CD226: variants seen among roughly 807,000 people sequenced by gnomAD.
The protein encoded by CD226 is CD226 molecule.
In CD226, 24 loss-of-function variants were observed where a neutral mutation model predicts 34.9. The ratio of observed to expected loss-of-function variants is 0.69; its 90% CI spans 0.50 to 0.97. The LOEUF (loss-of-function observed/expected upper bound fraction) is 0.97. CD226 is among the 50% of genes least tolerant of loss of function. The probability of loss-of-function intolerance (pLI) is 0.00; values close to 1 mark genes in which losing one functional copy is unlikely to be tolerated. For synonymous variants in CD226, 148 were observed against 147.4 expected (o/e 1.00, Z -0.03); for missense variants, 397 against 412.7 (o/e 0.96, Z 0.33).
intron 3 of CD226, 79 bp from the exon 4 acceptor site, chr18:69,873,325 A>G (rs1049318060): frequency 8.4e-6 from 6 of 712,976 alleles, no homozygotes; most frequent in Admixed American, 4.9e-5. Flanking sequence ...AATAAAGAAA[A>G]GATACATTAA....
intron 3 of CD226, among the ~76,000 whole-genome samples, 165 bp downstream of exon 3, chr18:69,895,536 C>A (rs530690734): frequency 3.9e-5 from 6 of 151,946 alleles, no homozygotes; most frequent in South Asian, 2.1e-4. Context: ...GATAAAGAAA[C>A]CCTCAATACT....
At chr18:69,880,391 GAA>G (rs1332110146) in intron 3 of CD226, among the ~76,000 whole-genome samples, 1 of 146,502 alleles carries the variant, frequency 6.8e-6, no homozygotes, top group Non-Finnish European at 1.5e-5. Flanking sequence ...GGGAAAGAAA[GAA>G]AGAAGGAGGG....
At chr18:69,953,786 G>A (rs2055873647) in intron 1 of CD226, among the ~76,000 whole-genome samples, 1 of 152,086 alleles carries the variant, frequency 6.6e-6, no homozygotes, top group African/African-American at 2.4e-5. Flanking sequence ...GATTGCTTGA[G>A]GTCAGGAATT....
rs4614833 is a variant in CD226 at position 69,859,272 on chromosome 18, G to T, written c.*5042C>A. ...CTTTCTAAGGAAGTTGACGTTGGTA[G>T]AATTCCTGCTGCATCACAGGGGAGT... On this transcript the variant is annotated 3_prime_UTR_variant, in exon 6 of 6. Coordinates refer to ENST00000582621, the MANE Select transcript of CD226 (RefSeq NM_001303618.2). 6.6e-6 allele frequency: 1 copy of T among 152,194 alleles called. No individual in the cohort carries two copies. The highest frequency in any genetic ancestry group is 2.4e-5 in the African/African-American group (1 of 41,516). The allele number at this position is 152,194 out of a possible 1,614,324, so 9.4% of individuals were successfully genotyped here.
intron 3 of CD226, among the ~76,000 whole-genome samples, chr18:69,880,348 GAAA>G (rs764893316): frequency 0.023 from 1,887 of 83,224 alleles, 47 homozygotes; most frequent in African/African-American, 0.052. Context: ...AAGAAAGAAA[GAAA>G]GAAAGAAAGG....
intron 4 of CD226, among the ~76,000 whole-genome samples, chr18:69,869,360 G>A (rs542934110): frequency 2.0e-5 from 3 of 152,276 alleles, no homozygotes; most frequent in African/African-American, 4.8e-5. Context: ...GCAGGGACAC[G>A]GATAGAGCTG....
At chr18:69,891,251 T>C (rs917050680) in intron 3 of CD226, among the ~76,000 whole-genome samples, 3 of 150,502 alleles carry the variant, frequency 2.0e-5, no homozygotes, top group African/African-American at 7.4e-5. Flanking sequence ...AAATAGAGCA[T>C]AAAAAGCATT....
rs934592267 is a variant in CD226 at position 69,856,390 on chromosome 18, G to A, written c.*7924C>T. 3.3e-5 allele frequency: 5 copies of A among 152,184 alleles called. No homozygotes were observed. Among genetic ancestry groups the A allele is most frequent in the African/African-American group, 1.2e-4 (5 of 41,444 alleles). 9.4% of individuals were successfully genotyped at this position (152,184 alleles called of 1,614,324 possible). On this transcript the variant is annotated 3_prime_UTR_variant, in exon 6 of 6. Coordinates refer to ENST00000582621, the MANE Select transcript of CD226 (RefSeq NM_001303618.2). ...ACTTGATCACTTGATCTGTCAGTAT[G>A]TGATAGATCAAGAAGAGGGAAAATC...
At chr18:69,877,659 C>T (rs1047220167) in intron 3 of CD226, among the ~76,000 whole-genome samples, 4 of 152,150 alleles carry the variant, frequency 2.6e-5, no homozygotes, top group African/African-American at 7.2e-5. Context: ...CTTCTGTTTC[C>T]TGAGGCCTGA....
At position 69,947,444 on chromosome 18, in the gene CD226, A is replaced by T; in HGVS notation, c.-38T>A. On this transcript the variant is annotated 5_prime_UTR_variant, in exon 1 of 6. Transcript: ENST00000582621. ...TTTGAAAGGCTGGTTCTATTAAAAA[A>T]AAAAATTGCTTTTTATAATGTGACA... The T allele has an allele frequency of 6.8e-7, 1 of 1,476,008 alleles. No individual in the cohort carries two copies. Among genetic ancestry groups the T allele is most frequent in the Non-Finnish European group, 9.2e-7 (1 of 1,082,230 alleles). The allele number at this position is 1,476,008 out of a possible 1,614,324, so 91.4% of individuals were successfully genotyped here.
At chr18:69,961,690 GGGTCTCAA>G (rs2055930364), upstream of CD226, 1 of 152,106 alleles carries the variant, frequency 6.6e-6, no homozygotes, top group African/African-American at 2.4e-5. Context: ...CCTCTCTTGA[GGGTCTCAA>G]GGTTTCAAGG....
chr18:69,946,180 C>CAAAAA (rs60750165), intron 2 of CD226, among the ~76,000 whole-genome samples: 6 of 66,374 alleles, frequency 9.0e-5, no homozygotes, highest in African/African-American at 3.6e-4. Context: ...AAGACTCCAT[C>CAAAAA]AAAAAAAAAA....
At position 69,856,650 on chromosome 18, in the gene CD226, A is replaced by G. The variant is rs1256035674; in HGVS notation, c.*7664T>C. 1 of 152,200 alleles carries G rather than the reference A, an allele frequency of 6.6e-6. No individual in the cohort carries two copies. Among genetic ancestry groups the G allele is most frequent in the Non-Finnish European group, 1.5e-5 (1 of 68,028 alleles). 9.4% of individuals were successfully genotyped at this position (152,200 alleles called of 1,614,324 possible). On this transcript the variant is annotated 3_prime_UTR_variant, in exon 6 of 6. Transcript: ENST00000582621. ...ATTAAGTTAGAAATCTGTAAGAGAT[A>G]TAAAGTAGAAAAATCCCAAAATATA...
intron 2 of CD226, among the ~76,000 whole-genome samples, chr18:69,898,279 G>C (rs557726707): frequency 1.3e-5 from 2 of 152,168 alleles, no homozygotes; most frequent in East Asian, 1.9e-4. Context: ...CAGCGTGAAT[G>C]CGTGTCCTCA....
intron 5 of CD226, among the ~76,000 whole-genome samples, chr18:69,864,871 G>T (rs1231319586): frequency 6.6e-6 from 1 of 152,112 alleles, no homozygotes; most frequent in African/African-American, 2.4e-5. Context: ...AAGTCACTTT[G>T]ACCACATATG....
Position 69,877,084 on chromosome 18 carries a change from G to A in CD226, c.728-3838C>T, listed in dbSNP as rs147294793. Among the ~76,000 whole-genome samples the A allele has an allele frequency of 4.9e-3, 751 of 151,914 alleles. 11 individuals are homozygous for A. The highest frequency in any genetic ancestry group is 0.016 in the African/African-American group (672 of 41,400). On this transcript the variant is annotated intron_variant, in intron 3 of 5. Coordinates refer to ENST00000582621, the MANE Select transcript of CD226 (RefSeq NM_001303618.2). ...TCACCATGTTAGTCAGGCTGGTCTC[G>A]AACTCCTCACCTAAGGTGATCCGCC...
At chr18:69,884,650 C>T (rs959360276) in intron 3 of CD226, among the ~76,000 whole-genome samples, 3 of 152,212 alleles carry the variant, frequency 2.0e-5, no homozygotes, top group African/African-American at 7.2e-5. Context: ...CTACCACAAG[C>T]ACCTCACTCA....
At chr18:69,935,561 C>A (rs1302425204) in intron 2 of CD226, among the ~76,000 whole-genome samples, 1 of 152,162 alleles carries the variant, frequency 6.6e-6, no homozygotes, top group Admixed American at 6.5e-5. Context: ...GCATTGGCAC[C>A]CACACACCAC....
rs1049939410 is a variant in CD226 at position 69,862,545 on chromosome 18, C to T, written c.*1769G>A. 2 of 151,990 alleles carry T rather than the reference C, an allele frequency of 1.3e-5. No homozygotes were observed. The highest frequency in any genetic ancestry group is 1.3e-4 in the Admixed American group (2 of 15,254). 9.4% of individuals were successfully genotyped at this position (151,990 alleles called of 1,614,324 possible). On this transcript the variant is annotated 3_prime_UTR_variant, in exon 6 of 6. Transcript: ENST00000582621. ...AAACATAATAAAAATGAGAGTTTACCCTTCTTGCATATACTTAAGCACAAC... is the reference window on the plus strand; with the variant it reads ...AAACATAATAAAAATGAGAGTTTACTCTTCTTGCATATACTTAAGCACAAC...
Sources: allele counts gnomAD v4.1 joint callset (sites outside exome capture counted in the v4.1 genomes callset), GRCh38; gene constraint gnomAD v4.1.1; transcripts MANE v1.5; gene names NCBI Gene and HGNC (gene_info 2026-07-23, HGNC 2026-07-21).